Variants in ATL2 observed in about 807,000 individuals in gnomAD.
The protein encoded by ATL2 is atlastin GTPase 2, also known as atlastin-2.
ATL2 carries 31 observed loss-of-function variants against 73.9 expected under a neutral mutation model. The ratio of observed to expected loss-of-function variants is 0.42; its 90% CI spans 0.32 to 0.57. ATL2 has a LOEUF of 0.57. ATL2 is among the 20% of genes least tolerant of loss of function. The pLI, the probability that ATL2 is intolerant of heterozygous loss-of-function variation, is 0.14. For synonymous variants in ATL2, 291 were observed against 237.5 expected (o/e 1.23, Z -2.07); for missense variants, 738 against 702.6 (o/e 1.05, Z -0.57).
At chr2:38,360,112 G>C (rs1239898587) in intron 1 of ATL2, among the ~76,000 whole-genome samples, 59 of 129,540 alleles carry the variant, frequency 4.6e-4, no homozygotes, top group African/African-American at 1.7e-3. Flanking sequence ...AGCCTGGGCA[G>C]AGCAAGGCTC....
In ATL2 at chr2:38,343,413, A is replaced by G. The variant is rs758742745; in HGVS notation, c.218T>C (p.Phe73Ser). Residue 73 changes from phenylalanine (F) to serine (S), a missense_variant, in exon 2 of 13, where the codon TTT (phenylalanine) becomes TCT (serine). Phe to Ser is a radical substitution (Grantham distance 155). Transcript: ENST00000378954. ...IVLAHEDDHN[F>S]ELDEEALEQI... Reference sequence around the variant, plus strand: ...CTCCAAAGCTTCTTCATCAAGTTCAAAGTTATGGTCATCTTCATGAGCAAG... The same window carrying G: ...CTCCAAAGCTTCTTCATCAAGTTCAGAGTTATGGTCATCTTCATGAGCAAG... The G allele has an allele frequency of 6.2e-7, 1 of 1,613,044 alleles. No individual in the cohort carries two copies. Among genetic ancestry groups the G allele is most frequent in the South Asian group, 1.1e-5 (1 of 90,984 alleles).
chr2:38,360,133 A>G (rs964353939), intron 1 of ATL2, among the ~76,000 whole-genome samples: 3 of 129,864 alleles, frequency 2.3e-5, no homozygotes, highest in African/African-American at 1.1e-4. Flanking sequence ...CATTTCAAAA[A>G]AAAAAAAAAA....
chr2:38,349,714 G>T (rs981496194), intron 1 of ATL2, among the ~76,000 whole-genome samples: 5 of 151,802 alleles, frequency 3.3e-5, no homozygotes, highest in African/African-American at 1.2e-4. Flanking sequence ...ACCCCACTGG[G>T]CAGAAAACCT....
intron 1 of ATL2, among the ~76,000 whole-genome samples, chr2:38,343,963 C>T (rs1476012004): frequency 2.0e-5 from 3 of 152,186 alleles, no homozygotes; most frequent in East Asian, 1.9e-4. Context: ...TCCCCAGCCA[C>T]GTGAAACTTT....
At chr2:38,352,255 G>A (rs1236881003) in intron 1 of ATL2, among the ~76,000 whole-genome samples, 2 of 151,956 alleles carry the variant, frequency 1.3e-5, no homozygotes, top group Non-Finnish European at 2.9e-5. Context: ...GGTATTTGGG[G>A]GAGGGAGGAT....
chr2:38,320,923 T>A (rs1035389490), intron 2 of ATL2, among the ~76,000 whole-genome samples: 1 of 150,408 alleles, frequency 6.6e-6, no homozygotes, highest in African/African-American at 2.5e-5. Flanking sequence ...GGCAGGTGGA[T>A]CACTTGAGGC....
chr2:38,358,950 CA>C (rs755878848), intron 1 of ATL2, among the ~76,000 whole-genome samples: 3 of 152,052 alleles, frequency 2.0e-5, no homozygotes, highest in Non-Finnish European at 4.4e-5. Flanking sequence ...ACAGATACTA[CA>C]AGAAAATATT....
In ATL2 at chr2:38,354,822, G is replaced by A. The variant is rs148257521; in HGVS notation, c.119-11310C>T. ...GGAGAATCCCTTTAACCCAGGAGGC[G>A]GAGGTTGCAGTGAGCCGAGATTGTG... is the stretch of plus-strand genomic sequence containing the variant. On this transcript the variant is annotated intron_variant, in intron 1 of 12. Coordinates refer to ENST00000378954, the MANE Select transcript of ATL2 (RefSeq NM_001135673.4). Among the ~76,000 whole-genome samples, 397 of 152,188 alleles carry A rather than the reference G, an allele frequency of 2.6e-3. 4 individuals are homozygous for A. Among genetic ancestry groups the A allele is most frequent in the African/African-American group, 9.3e-3 (384 of 41,512 alleles).
intron 2 of ATL2, among the ~76,000 whole-genome samples, chr2:38,328,979 C>A (rs943552316): frequency 6.6e-6 from 1 of 151,662 alleles, no homozygotes; most frequent in Non-Finnish European, 1.5e-5. Context: ...AAAGAAGAAT[C>A]TTCATTACTA....
Position 38,370,448 on chromosome 2 carries a change from CAAAAAAAAAAAAAAAAAAAA to C in ATL2, c.118+6675_118+6694del, listed in dbSNP as rs55964015. Among the ~76,000 whole-genome samples, 51 of 55,214 alleles carry C rather than the reference CAAAAAAAAAAAAAAAAAAAA, an allele frequency of 9.2e-4. 1 individual carries two copies. Among genetic ancestry groups the C allele is most frequent in the African/African-American group, 2.3e-3 (47 of 20,790 alleles). The allele number at this position is 55,214 out of a possible 152,430, so 36.2% of individuals were successfully genotyped here. On this transcript the variant is annotated intron_variant, in intron 1 of 12. Transcript: ENST00000378954. Reference sequence around the variant, plus strand: ...TGGGAGACAGAGTGAGACTCTGTCCCAAAAAAAAAAAAAAAAAAAAAAAAAAAAAAAAAATCAACCCAGCC... The same window carrying C: ...TGGGAGACAGAGTGAGACTCTGTCCCAAAAAAAAAAAAAATCAACCCAGCC...
chr2:38,377,016 G>A (rs563448261), intron 1 of ATL2, 127 bp downstream of exon 1: 14 of 690,506 alleles, frequency 2.0e-5, no homozygotes, highest in South Asian at 5.2e-5. Flanking sequence ...GGCAGGCGCG[G>A]CGGCGGGAGG....
At chr2:38,325,627 T>TACAC (rs768444431) in intron 2 of ATL2, among the ~76,000 whole-genome samples, 12 of 53,448 alleles carry the variant, frequency 2.2e-4, no homozygotes, top group Non-Finnish European at 5.7e-4. Context: ...CACCAGTACA[T>TACAC]ACACACACAC....
chr2:38,314,290 C>T (rs1160028809), intron 6 of ATL2, among the ~76,000 whole-genome samples: 1 of 151,536 alleles, frequency 6.6e-6, no homozygotes, highest in Non-Finnish European at 1.5e-5. Context: ...GTAGTTACCA[C>T]GTATAAAAAA....
At chr2:38,305,446 G>C (rs1667398638) in intron 9 of ATL2, among the ~76,000 whole-genome samples, 1 of 152,116 alleles carries the variant, frequency 6.6e-6, no homozygotes, top group Non-Finnish European at 1.5e-5. Context: ...CTACTCAGGA[G>C]ACTGAGGCAG....
chr2:38,299,406 T>C lies in ATL2; in HGVS notation c.1129-79A>G. The C allele has an allele frequency of 6.7e-6, 9 of 1,344,118 alleles. No homozygotes were observed. In the South Asian group the frequency reaches 8.4e-5, roughly 13 times the overall value. The allele number at this position is 1,344,118 out of a possible 1,614,324, so 83.3% of individuals were successfully genotyped here. The stretch of plus-strand genomic sequence containing the variant: ...ATTCTGATTAACACAATAAGTTATG[T>C]ACAATAAACAAGTCTGAAAATGAAC... On this transcript the variant is annotated intron_variant, in intron 10 of 12. Transcript: ENST00000378954.
chr2:38,334,034 T>TG (rs905689953), intron 2 of ATL2, among the ~76,000 whole-genome samples: 2 of 148,120 alleles, frequency 1.4e-5, no homozygotes, highest in African/African-American at 5.1e-5. Context: ...TCCTCTTTTT[T>TG]TTTTTTTTTT....
intron 5 of ATL2, 86 bp from the exon 6 acceptor site, chr2:38,314,750 T>G (rs112617912): frequency 2.6e-5 from 21 of 795,374 alleles, no homozygotes; most frequent in African/African-American, 1.9e-4. Flanking sequence ...AAGCTCCAGG[T>G]ACCAGAACCT....
At chr2:38,310,579 A>C in intron 7 of ATL2, 132 bp from the exon 8 acceptor site, 1 of 618,026 alleles carries the variant, frequency 1.6e-6, no homozygotes, top group Non-Finnish European at 2.5e-6. Context: ...CTTTTTTGAC[A>C]ATACAAAAAA....
intron 2 of ATL2, among the ~76,000 whole-genome samples, chr2:38,335,749 A>C (rs983069213): frequency 6.6e-6 from 1 of 152,196 alleles, no homozygotes; most frequent in Non-Finnish European, 1.5e-5. Context: ...CCCAATAAAA[A>C]ATAAATAATA....
Sources: gnomAD v4.1 joint callset for allele counts (sites outside exome capture counted in the v4.1 genomes callset) on GRCh38, gnomAD v4.1.1 for gene constraint, MANE v1.5 for transcripts, NCBI Gene and HGNC (gene_info 2026-07-23, HGNC 2026-07-21) for gene names.